ADGRB3: variants seen among roughly 807,000 people sequenced by gnomAD.
The protein encoded by ADGRB3 is adhesion G protein-coupled receptor B3, also known as brain-specific angiogenesis inhibitor 3.
A neutral mutation model predicts 193.4 loss-of-function variants in ADGRB3; 37 were observed. The ratio of observed to expected loss-of-function variants is 0.19; its 90% CI spans 0.15 to 0.25. ADGRB3 has a LOEUF of 0.25. ADGRB3 is among the 10% of genes least tolerant of loss of function. The pLI, the probability that ADGRB3 is intolerant of heterozygous loss-of-function variation, is 1.00. For synonymous variants in ADGRB3, 690 were observed against 644.2 expected (o/e 1.07, Z -1.08); for missense variants, 1,637 against 1,852.9 (o/e 0.88, Z 2.14).
intron 17 of ADGRB3, among the ~76,000 whole-genome samples, chr6:69,112,118 G>A (rs888698236): frequency 3.9e-5 from 6 of 152,140 alleles, no homozygotes; most frequent in African/African-American, 1.4e-4. Flanking sequence ...TCACTTTACA[G>A]TCCATGCATA....
At chr6:69,126,937 A>G (rs913371266) in intron 17 of ADGRB3, among the ~76,000 whole-genome samples, 2 of 152,194 alleles carry the variant, frequency 1.3e-5, no homozygotes, top group Admixed American at 6.5e-5. Context: ...CTTCTTCCCT[A>G]GTAGAATATG....
chr6:68,957,544 C>T (rs111831326), intron 8 of ADGRB3, among the ~76,000 whole-genome samples: 2,142 of 152,252 alleles, frequency 0.014, 26 homozygotes, highest in Non-Finnish European at 0.021. Context: ...ATAGTGCCAA[C>T]GTGCTGAACC....
intron 17 of ADGRB3, among the ~76,000 whole-genome samples, chr6:69,163,042 T>G (rs1224246873): frequency 1.3e-5 from 2 of 152,080 alleles, no homozygotes; most frequent in Non-Finnish European, 2.9e-5. Flanking sequence ...TTGGCCTGCT[T>G]ATTTGTCTGA....
chr6:68,761,052 T>C (rs1523931), intron 3 of ADGRB3, among the ~76,000 whole-genome samples: 51,789 of 152,116 alleles, frequency 0.34, 8,898 homozygotes, highest in Non-Finnish European at 0.36. Context: ...ATTCTGTTGA[T>C]ATCCTTTCCT....
chr6:69,014,085 A>C lies in ADGRB3; in HGVS notation c.1977A>C (p.Glu659Asp), dbSNP rs1234005639. The C allele has an allele frequency of 6.2e-7, 1 of 1,605,396 alleles. No homozygotes were observed. Among genetic ancestry groups the C allele is most frequent in the Non-Finnish European group, 8.5e-7 (1 of 1,174,774 alleles). The change falls in exon 12 of 32, where the codon GAA becomes GAC. Residue 659 changes from glutamate to aspartate, a missense_variant. Glu to Asp is a conservative substitution (Grantham distance 45). Around this residue, in one of 7 missense-constraint regions of ADGRB3, gnomAD observed 641 missense variants for 673.9 expected, o/e 0.95. Coordinates refer to ENST00000370598, the MANE Select transcript of ADGRB3 (RefSeq NM_001704.3). ...VSNLLDEENK[E>D]KWEDAQQIYP... Reference sequence around the variant, plus strand: ...ACCTTCTAGATGAAGAAAACAAGGAAAAATGGGAAGATGCACAACAGGTAA... The same window carrying C: ...ACCTTCTAGATGAAGAAAACAAGGACAAATGGGAAGATGCACAACAGGTAA...
intron 8 of ADGRB3, among the ~76,000 whole-genome samples, chr6:68,970,894 A>G (rs926069563): frequency 1.5e-4 from 23 of 152,220 alleles, no homozygotes; most frequent in African/African-American, 5.5e-4. Flanking sequence ...AGATGGATCC[A>G]ATGGTTTTAG....
chr6:69,385,921 A>G (rs1390708073), intron 31 of ADGRB3, among the ~76,000 whole-genome samples: 1 of 151,958 alleles, frequency 6.6e-6, no homozygotes, highest in Admixed American at 6.6e-5. Flanking sequence ...ACACACTGAC[A>G]ACAAAGTCTC....
chr6:68,780,394 A>C (rs1766830396), intron 3 of ADGRB3, among the ~76,000 whole-genome samples: 1 of 152,048 alleles, frequency 6.6e-6, no homozygotes, highest in Non-Finnish European at 1.5e-5. Context: ...AGATGACTAA[A>C]CCTTCAAGCA....
intron 23 of ADGRB3, among the ~76,000 whole-genome samples, chr6:69,330,840 A>T (rs1054020735): frequency 1.3e-5 from 2 of 152,206 alleles, no homozygotes; most frequent in African/African-American, 4.8e-5. Flanking sequence ...AGTAAGTTTT[A>T]ATGAATTCTT....
chr6:69,114,006 G>A (rs1470347351), intron 17 of ADGRB3, among the ~76,000 whole-genome samples: 1 of 152,088 alleles, frequency 6.6e-6, no homozygotes, highest in Non-Finnish European at 1.5e-5. Flanking sequence ...CAGAGTTTTG[G>A]TGCCCAGGAC....
intron 3 of ADGRB3, among the ~76,000 whole-genome samples, chr6:68,907,660 A>G (rs1582304415): frequency 6.6e-6 from 1 of 152,010 alleles, no homozygotes; most frequent in Admixed American, 6.6e-5. Flanking sequence ...GTTAATACCT[A>G]TCTTAATTCC....
chr6:68,757,841 T>C (rs1766325675), intron 3 of ADGRB3, among the ~76,000 whole-genome samples: 1 of 152,164 alleles, frequency 6.6e-6, no homozygotes, highest in South Asian at 2.1e-4. Flanking sequence ...GTCACCACTA[T>C]GGAAACTATT....
intron 3 of ADGRB3, among the ~76,000 whole-genome samples, chr6:68,826,393 A>C (rs1293526659): frequency 1.3e-5 from 2 of 152,100 alleles, no homozygotes; most frequent in Non-Finnish European, 2.9e-5. Flanking sequence ...AATGCCCTGA[A>C]GTGTTAGGGT....
chr6:69,096,317 A>G (rs1677272355), intron 17 of ADGRB3, among the ~76,000 whole-genome samples: 1 of 151,534 alleles, frequency 6.6e-6, no homozygotes, highest in Non-Finnish European at 1.5e-5. Context: ...GCTTTAATTA[A>G]AGACAATTGT....
chr6:68,812,080 AGAAAGG>A (rs943559314), intron 3 of ADGRB3, among the ~76,000 whole-genome samples: 1 of 152,194 alleles, frequency 6.6e-6, no homozygotes, highest in African/African-American at 2.4e-5. Flanking sequence ...AGGTGCAAAG[AGAAAGG>A]CATGAGTAAA....
chr6:69,219,761 A>G (rs183023128), intron 17 of ADGRB3, among the ~76,000 whole-genome samples: 1 of 151,982 alleles, frequency 6.6e-6, no homozygotes, highest in Non-Finnish European at 1.5e-5. Context: ...CACATCTTAG[A>G]GAAAACTTGA....
intron 20 of ADGRB3, among the ~76,000 whole-genome samples, chr6:69,255,262 A>G (rs1273810056): frequency 1.3e-5 from 2 of 152,156 alleles, no homozygotes; most frequent in Non-Finnish European, 2.9e-5. Context: ...TTCTAGTTCT[A>G]GATCCCTGAG....
chr6:68,765,537 G>GACACACAC (rs59919588), intron 3 of ADGRB3, among the ~76,000 whole-genome samples: 12,124 of 143,456 alleles, frequency 0.085, 581 homozygotes, highest in Non-Finnish European at 0.11. Flanking sequence ...TATTCTTATA[G>GACACACAC]ACACACACAC....
intron 3 of ADGRB3, among the ~76,000 whole-genome samples, chr6:68,842,990 C>T (rs948756620): frequency 3.4e-5 from 5 of 147,548 alleles, no homozygotes; most frequent in Non-Finnish European, 6.0e-5. Flanking sequence ...TGGTAAAAAA[C>T]ATAAAAAAAG....
Sources: allele counts gnomAD v4.1 joint callset (sites outside exome capture counted in the v4.1 genomes callset), GRCh38; gene constraint gnomAD v4.1.1; regional missense constraint gnomAD v4.1.1; transcripts MANE v1.5; gene names NCBI Gene and HGNC (gene_info 2026-07-23, HGNC 2026-07-21).